The following QTGAL variants were observed in gnomAD, a reference collection of about 807,000 sequenced individuals.
QTGAL encodes the protein queuosine-tRNA galactosyltransferase, also known as BGnT-like protein 1.
At chr17:83,013,021 G>T in the QTGAL span, among the ~76,000 whole-genome samples, 1 of 152,110 alleles carries the variant, frequency 6.6e-6, no homozygotes, top group South Asian at 2.1e-4. Flanking sequence ...GGCCCCGATT[G>T]CCATGGATAT....
the QTGAL span, among the ~76,000 whole-genome samples, chr17:83,032,490 C>T: frequency 8.6e-6 from 1 of 116,340 alleles, no homozygotes; most frequent in African/African-American, 3.5e-5. Context: ...CGACGCAGAC[C>T]GAACTCGGGA....
the QTGAL span, among the ~76,000 whole-genome samples, chr17:83,014,107 T>C: frequency 2.6e-5 from 4 of 152,280 alleles, no homozygotes; most frequent in African/African-American, 9.6e-5. Context: ...AAAACCGTAA[T>C]TTAAGATCGT....
the QTGAL span, chr17:83,048,449 T>A: frequency 6.4e-7 from 1 of 1,567,846 alleles, no homozygotes; most frequent in East Asian, 2.2e-5. Flanking sequence ...TATAGTTTAA[T>A]AAACTAAGCA....
At chr17:83,017,282 G>A in the QTGAL span, among the ~76,000 whole-genome samples, 4 of 152,184 alleles carry the variant, frequency 2.6e-5, no homozygotes, top group African/African-American at 9.7e-5. Flanking sequence ...TAGCACAATA[G>A]GGTGACTATA....
At chr17:82,945,922 G>A in the QTGAL span, 1 of 152,130 alleles carries the variant, frequency 6.6e-6, no homozygotes, top group Admixed American at 6.5e-5. Context: ...ATAGAAAGAT[G>A]GCTTATATGT....
chr17:83,008,048 C>T, the QTGAL span, among the ~76,000 whole-genome samples: 9 of 152,298 alleles, frequency 5.9e-5, no homozygotes, highest in South Asian at 8.3e-4. Context: ...CAAGAGGAGG[C>T]GCAGGGAAGA....
At chr17:83,020,307 T>A in the QTGAL span, among the ~76,000 whole-genome samples, 1 of 152,072 alleles carries the variant, frequency 6.6e-6, no homozygotes, top group African/African-American at 2.4e-5. Flanking sequence ...GCTAAGAAAT[T>A]TCTGAGACCG....
At chr17:83,007,242 A>T in the QTGAL span, 2 of 985,228 alleles carry the variant, frequency 2.0e-6, no homozygotes, top group African/African-American at 1.7e-5. Flanking sequence ...CATGCTAAAA[A>T]TAGTTGTGAA....
At chr17:82,954,863 C>T in the QTGAL span, among the ~76,000 whole-genome samples, 1 of 152,144 alleles carries the variant, frequency 6.6e-6, no homozygotes, top group Non-Finnish European at 1.5e-5. Context: ...ACAAACCTAA[C>T]AAAAACAAGC....
chr17:82,969,960 G>A, the QTGAL span, among the ~76,000 whole-genome samples: 2 of 152,138 alleles, frequency 1.3e-5, no homozygotes, highest in African/African-American at 4.8e-5. Flanking sequence ...GACTCTGGGT[G>A]TGAGTCACCG....
chr17:82,948,247 C>T, the QTGAL span: 4 of 152,258 alleles, frequency 2.6e-5, no homozygotes, highest in African/African-American at 4.8e-5. Context: ...ACTCCCCAAA[C>T]GGCTGGCGAC....
At chr17:82,989,495 T>TAAAA in the QTGAL span, among the ~76,000 whole-genome samples, 2 of 122,514 alleles carry the variant, frequency 1.6e-5, no homozygotes, top group Non-Finnish European at 1.7e-5. Context: ...ATTCTGGAAC[T>TAAAA]AAAAAAAAAA....
At chr17:82,964,449 T>C in the QTGAL span, among the ~76,000 whole-genome samples, 3 of 152,140 alleles carry the variant, frequency 2.0e-5, no homozygotes, top group African/African-American at 7.2e-5. Flanking sequence ...ATTGGAGTTT[T>C]TAAAACACAA....
the QTGAL span, among the ~76,000 whole-genome samples, chr17:83,028,065 C>T: frequency 7.9e-5 from 12 of 151,638 alleles, no homozygotes; most frequent in African/African-American, 1.2e-4. Flanking sequence ...GAGCCAAGAT[C>T]GCACCACTGC....
chr17:83,015,863 G>GC, the QTGAL span, among the ~76,000 whole-genome samples: 8 of 152,154 alleles, frequency 5.3e-5, no homozygotes, highest in South Asian at 4.2e-4. This position sits in a 1 kb window ranked among gnomAD's most constrained non-coding sequence, Gnocchi z 4.4. Context: ...CCAAAACCAC[G>GC]CCCCCCCACC....
the QTGAL span, among the ~76,000 whole-genome samples, chr17:83,045,338 A>T: frequency 2.8e-4 from 43 of 152,366 alleles, no homozygotes; most frequent in East Asian, 3.7e-3. Context: ...GTGGAGAAAG[A>T]ATAGTCTTTT....
At chr17:82,946,902 G>C in the QTGAL span, 2 of 1,562,594 alleles carry the variant, frequency 1.3e-6, no homozygotes, top group African/African-American at 2.7e-5. Flanking sequence ...CCATGGGTCC[G>C]TCAGCTGAAG....
chr17:82,970,673 G>A, the QTGAL span, among the ~76,000 whole-genome samples: 9,574 of 144,596 alleles, frequency 0.066, 1,325 homozygotes, highest in Non-Finnish European at 0.11. Context: ...CGCACCCAGC[G>A]TGGCCGTGAT....
chr17:82,985,972 G>A, the QTGAL span, among the ~76,000 whole-genome samples: 2 of 152,214 alleles, frequency 1.3e-5, no homozygotes, highest in African/African-American at 4.8e-5. Context: ...CCTCAGGAGG[G>A]TCCGGGCCTG....
Sources: allele counts gnomAD v4.1 joint callset (sites outside exome capture counted in the v4.1 genomes callset), GRCh38; gene constraint gnomAD v4.1.1; non-coding constraint Gnocchi (gnomAD v3.1); transcripts MANE v1.5; gene names NCBI Gene and HGNC (gene_info 2026-07-23, HGNC 2026-07-21).